IL1RAP: variants seen among roughly 807,000 people sequenced by gnomAD.
IL1RAP encodes interleukin-1 receptor accessory protein.
In IL1RAP, 35 loss-of-function variants were observed where a neutral mutation model predicts 60.7. That is an observed-to-expected ratio of 0.58 (90% CI 0.44 to 0.76). The LOEUF is 0.76. IL1RAP is among the 30% of genes least tolerant of loss of function. The pLI, the probability that IL1RAP is intolerant of heterozygous loss-of-function variation, is 0.00. For synonymous variants in IL1RAP, 268 were observed against 250.9 expected (o/e 1.07, Z -0.64); for missense variants, 572 against 693.9 (o/e 0.82, Z 1.97).
chr3:190,645,875 C>T (rs1733979164), intron 11 of IL1RAP, 33 bp downstream of exon 11: 1 of 1,574,916 alleles, frequency 6.3e-7, no homozygotes, highest in East Asian at 2.3e-5. Flanking sequence ...AATGATGCTA[C>T]CTTGAAAGGC....
chr3:190,534,845 A>C (rs1356921901), intron 1 of IL1RAP, among the ~76,000 whole-genome samples: 2 of 150,776 alleles, frequency 1.3e-5, no homozygotes. Context: ...AAATAACATT[A>C]GTGACTTCTG....
intron 9 of IL1RAP, among the ~76,000 whole-genome samples, chr3:190,639,281 A>G (rs1009932586): frequency 6.6e-6 from 1 of 152,150 alleles, no homozygotes; most frequent in African/African-American, 2.4e-5. Flanking sequence ...CTGCTATCCA[A>G]TTAGTAGTGC....
intron 3 of IL1RAP, among the ~76,000 whole-genome samples, chr3:190,591,017 A>AT (rs1370530998): frequency 6.6e-6 from 1 of 152,138 alleles, no homozygotes; most frequent in African/African-American, 2.4e-5. Flanking sequence ...AATGAGAAGA[A>AT]TTTTTTAAAA....
chr3:190,564,319 C>T lies in IL1RAP; in HGVS notation c.30C>T (p.Leu10=). ...CACTTCTGTGGTGTGTAGTGAGTCT[C>T]TACTTTTATGGAATCCTGCAAAGTG... MTLLWCVVS[L]YFYGILQSDA... Residue 10 remains leucine (L), a synonymous_variant, in exon 3 of 12, where the codon CTC becomes CTT. Transcript: ENST00000447382. 6.2e-7 allele frequency: 1 copy of T among 1,612,292 alleles called. No individual in the cohort carries two copies. Among genetic ancestry groups the T allele is most frequent in the Non-Finnish European group, 8.5e-7 (1 of 1,178,522 alleles).
chr3:190,563,684 T>C (rs1726108103), intron 2 of IL1RAP, among the ~76,000 whole-genome samples: 1 of 152,188 alleles, frequency 6.6e-6, no homozygotes, highest in South Asian at 2.1e-4. Flanking sequence ...TATATTTTCC[T>C]TAATATAAAT....
At chr3:190,654,238 T>A (rs2108874020), downstream of IL1RAP, among the ~76,000 whole-genome samples, 3 of 108,324 alleles carry the variant, frequency 2.8e-5, no homozygotes, top group Admixed American at 2.6e-4. Context: ...ACAATTTGCA[T>A]GAGTTCTCTT....
At chr3:190,600,526 G>C (rs1167900774) in intron 3 of IL1RAP, among the ~76,000 whole-genome samples, 1 of 152,206 alleles carries the variant, frequency 6.6e-6, no homozygotes, top group African/African-American at 2.4e-5. Context: ...AAAGAACAAA[G>C]TTGTGTGGTA....
At chr3:190,525,020 G>A (rs1429799161) in intron 1 of IL1RAP, among the ~76,000 whole-genome samples, 1 of 151,960 alleles carries the variant, frequency 6.6e-6, no homozygotes. Context: ...GTATATATGT[G>A]TATGTAAAAA....
intron 5 of IL1RAP, among the ~76,000 whole-genome samples, chr3:190,609,765 A>C (rs1476778768): frequency 6.6e-6 from 1 of 152,206 alleles, no homozygotes; most frequent in Non-Finnish European, 1.5e-5. Flanking sequence ...AACATAACTC[A>C]GTGACTAGTT....
At chr3:190,651,700 G>A (rs1734407263), downstream of IL1RAP, among the ~76,000 whole-genome samples, 1 of 152,058 alleles carries the variant, frequency 6.6e-6, no homozygotes, top group African/African-American at 2.4e-5. Flanking sequence ...TCTTTACATG[G>A]AAGTAAAAGT....
intron 9 of IL1RAP, chr3:190,630,016 A>T (rs1281346593): frequency 1.2e-6 from 1 of 837,792 alleles, no homozygotes; most frequent in African/African-American, 1.9e-5. Context: ...GTTGTAAAAC[A>T]TTATTAATAG....
intron 3 of IL1RAP, among the ~76,000 whole-genome samples, chr3:190,572,825 T>A (rs1456083732): frequency 6.6e-6 from 1 of 150,704 alleles, no homozygotes; most frequent in Non-Finnish European, 1.5e-5. Context: ...CCTACAGCCA[T>A]GAGAGTGGTC....
At chr3:190,639,381 C>A (rs953478421) in intron 9 of IL1RAP, among the ~76,000 whole-genome samples, 21 of 152,190 alleles carry the variant, frequency 1.4e-4, no homozygotes, top group African/African-American at 5.1e-4. Flanking sequence ...TGTATGCTGG[C>A]CATTTTCTTT....
chr3:190,643,226 T>G (rs4320092), intron 9 of IL1RAP, among the ~76,000 whole-genome samples: 52,226 of 152,002 alleles, frequency 0.34, 10,477 homozygotes, highest in African/African-American at 0.57. Context: ...GAGCCAGGTT[T>G]CAATAAAAAT....
At chr3:190,641,711 A>G (rs929097986) in intron 9 of IL1RAP, among the ~76,000 whole-genome samples, 2 of 152,234 alleles carry the variant, frequency 1.3e-5, no homozygotes, top group African/African-American at 4.8e-5. Flanking sequence ...AGGTACGTGC[A>G]GCCAGCAACA....
At chr3:190,522,289 G>GCTTCCTTCCTTCCTTCCTTCCTTC (rs72459878) in intron 1 of IL1RAP, among the ~76,000 whole-genome samples, 21 of 135,362 alleles carry the variant, frequency 1.6e-4, no homozygotes, top group Admixed American at 3.8e-4. Context: ...GCCTTCCTTT[G>GCTTCCTTCCTTCCTTCCTTCCTTC]CTTCCTTCCT....
chr3:190,552,655 A>G (rs1724963068), intron 1 of IL1RAP, among the ~76,000 whole-genome samples: 1 of 152,076 alleles, frequency 6.6e-6, no homozygotes, highest in South Asian at 2.1e-4. Context: ...TCCCCACAAG[A>G]TCCTTCATTT....
intron 1 of IL1RAP, among the ~76,000 whole-genome samples, chr3:190,542,406 A>G (rs1724015540): frequency 6.6e-6 from 1 of 152,184 alleles, no homozygotes; most frequent in South Asian, 2.1e-4. Context: ...TAAGACAGGA[A>G]AATTATATTC....
chr3:190,648,159 G>A (rs1369423987), intron 11 of IL1RAP, among the ~76,000 whole-genome samples, 179 bp from the exon 12 acceptor site: 1 of 152,166 alleles, frequency 6.6e-6, no homozygotes, highest in Non-Finnish European at 1.5e-5. Context: ...GAAGACAGTG[G>A]TATTTAACAA....
Sources: allele counts gnomAD v4.1 joint callset (sites outside exome capture counted in the v4.1 genomes callset), GRCh38; gene constraint gnomAD v4.1.1; transcripts MANE v1.5; gene names NCBI Gene and HGNC (gene_info 2026-07-23, HGNC 2026-07-21).